The following ATRNL1 variants were observed in gnomAD, a reference collection of about 807,000 sequenced individuals.
ATRNL1 encodes attractin like 1.
ATRNL1 carries 95 observed loss-of-function variants against 182.7 expected under a neutral mutation model. The observed-to-expected ratio is 0.52, with a 90% CI of 0.44 to 0.62. ATRNL1 has a LOEUF of 0.62. Among genes scored for constraint, ATRNL1 ranks in the 20% least tolerant of loss-of-function variants. The pLI is 0.00. For missense variants in ATRNL1, 1,471 were observed against 1,679.5 expected (o/e 0.88, Z 2.17); for synonymous variants, 576 against 568.3 (o/e 1.01, Z -0.19).
chr10:115,863,256 A>C (rs1329466734), intron 28 of ATRNL1, among the ~76,000 whole-genome samples: 2 of 152,206 alleles, frequency 1.3e-5, no homozygotes, highest in Admixed American at 1.3e-4. Flanking sequence ...AAATGAACCT[A>C]AATGTATTCA....
chr10:115,736,270 C>T (rs76072923), intron 27 of ATRNL1, among the ~76,000 whole-genome samples: 6,194 of 152,202 alleles, frequency 0.041, 419 homozygotes, highest in African/African-American at 0.14. Context: ...AATTCACTAA[C>T]TATTTTAAGT....
At chr10:115,443,969 A>C (rs1334351068) in intron 21 of ATRNL1, among the ~76,000 whole-genome samples, 1 of 152,164 alleles carries the variant, frequency 6.6e-6, no homozygotes, top group Non-Finnish European at 1.5e-5. Context: ...AAAATTGATT[A>C]AACTACAATA....
chr10:115,494,582 C>T (rs1849454190), intron 24 of ATRNL1, among the ~76,000 whole-genome samples: 1 of 152,126 alleles, frequency 6.6e-6, no homozygotes, highest in Admixed American at 6.6e-5. Context: ...GCTTTTTCTT[C>T]ATATATTCAG....
intron 28 of ATRNL1, among the ~76,000 whole-genome samples, chr10:115,848,379 G>A (rs979850001): frequency 1.3e-5 from 2 of 152,136 alleles, no homozygotes; most frequent in African/African-American, 4.8e-5. Flanking sequence ...AATATGATTA[G>A]AAATTTGCTT....
At chr10:115,400,290 A>G (rs1554956684) in intron 20 of ATRNL1, among the ~76,000 whole-genome samples, 1 of 152,058 alleles carries the variant, frequency 6.6e-6, no homozygotes, top group East Asian at 1.9e-4. Context: ...ATATAATTTG[A>G]TTGTGCTGTG....
chr10:115,771,261 C>T (rs1473858073), intron 27 of ATRNL1, among the ~76,000 whole-genome samples: 1 of 146,794 alleles, frequency 6.8e-6, no homozygotes, highest in Non-Finnish European at 1.5e-5. Context: ...GACAGAGTCT[C>T]ACTCTTTCGC....
intron 28 of ATRNL1, among the ~76,000 whole-genome samples, chr10:115,870,214 T>A (rs183625836): frequency 7.9e-5 from 12 of 152,316 alleles, no homozygotes; most frequent in Admixed American, 2.6e-4. Context: ...TTATGGTAAA[T>A]GGCCATACTC....
At chr10:115,319,539 A>G (rs868943704) in intron 18 of ATRNL1, among the ~76,000 whole-genome samples, 1 of 152,314 alleles carries the variant, frequency 6.6e-6, no homozygotes, top group Middle Eastern at 3.4e-3. Context: ...GTAGGTCTCT[A>G]CAAACTTGTT....
chr10:115,628,828 C>A (rs1318340784), intron 26 of ATRNL1, among the ~76,000 whole-genome samples: 2 of 149,866 alleles, frequency 1.3e-5, no homozygotes, highest in East Asian at 3.9e-4. Flanking sequence ...TTTGGTATTA[C>A]TTTTATGGCA....
chr10:115,700,079 C>T (rs539263398), intron 26 of ATRNL1, among the ~76,000 whole-genome samples: 7 of 152,116 alleles, frequency 4.6e-5, no homozygotes, highest in Non-Finnish European at 1.0e-4. Context: ...TTTCTTTATT[C>T]ATCTGTCATT....
At chr10:115,925,153 A>G (rs1430428277) in intron 28 of ATRNL1, among the ~76,000 whole-genome samples, 1 of 152,132 alleles carries the variant, frequency 6.6e-6, no homozygotes, top group Non-Finnish European at 1.5e-5. Flanking sequence ...TGGGGCTGAG[A>G]TGATGGGGCT....
chr10:115,267,643 T>A (rs1211228793), intron 12 of ATRNL1, among the ~76,000 whole-genome samples: 1 of 152,032 alleles, frequency 6.6e-6, no homozygotes, highest in East Asian at 1.9e-4. Flanking sequence ...AATTCAGATG[T>A]CTTTTATATC....
chr10:115,337,102 C>A (rs550897675), intron 19 of ATRNL1, among the ~76,000 whole-genome samples: 1 of 151,290 alleles, frequency 6.6e-6, no homozygotes, highest in Non-Finnish European at 1.5e-5. Flanking sequence ...ACCTCGTGAT[C>A]TGTCTGCCTC....
chr10:115,539,677 C>G (rs889639903), intron 25 of ATRNL1, among the ~76,000 whole-genome samples: 1 of 152,156 alleles, frequency 6.6e-6, no homozygotes, highest in Non-Finnish European at 1.5e-5. Flanking sequence ...CCTGAATTCA[C>G]TCACCCATAC....
chr10:115,736,986 C>G (rs1947970273), intron 27 of ATRNL1, among the ~76,000 whole-genome samples: 2 of 152,022 alleles, frequency 1.3e-5, no homozygotes, highest in Admixed American at 1.3e-4. Context: ...CTCATATTAA[C>G]TTTTACCCTC....
chr10:115,693,340 C>T (rs563358982), intron 26 of ATRNL1, among the ~76,000 whole-genome samples: 30 of 152,122 alleles, frequency 2.0e-4, no homozygotes, highest in South Asian at 6.2e-4. Flanking sequence ...ATTTCATGTA[C>T]GCAAATATTG....
rs1198762892 is a variant in ATRNL1, at chr10:115,093,493, C to A, written c.-258C>A. 3.2e-6 allele frequency: 2 copies of A among 634,890 alleles called. No homozygotes were observed. Among genetic ancestry groups the A allele is most frequent in the African/African-American group, 1.9e-5 (1 of 52,108 alleles). 39.3% of individuals were successfully genotyped at this position (634,890 alleles called of 1,614,324 possible). A position where few individuals can be genotyped will look rare whatever the true frequency, so the allele number is the denominator to read the frequency against. ...CCCGCCTCCGGCCGGGTCCGGGACG[C>A]CGCGGCTGTGGGGTCGGCCCGCTAA... On this transcript the variant is annotated 5_prime_UTR_variant, in exon 1 of 29. Transcript: ENST00000355044. This position sits in a 1 kb window ranked among gnomAD's most constrained non-coding sequence, Gnocchi z 6.1.
At chr10:115,315,098 A>T (rs1854229541) in intron 17 of ATRNL1, among the ~76,000 whole-genome samples, 1 of 152,158 alleles carries the variant, frequency 6.6e-6, no homozygotes, top group Non-Finnish European at 1.5e-5. Context: ...CTTATACTGG[A>T]TGTCCACAGG....
At chr10:115,306,247 C>G (rs1853723604) in intron 17 of ATRNL1, among the ~76,000 whole-genome samples, 1 of 152,008 alleles carries the variant, frequency 6.6e-6, no homozygotes, top group Admixed American at 6.6e-5. Context: ...ACTTTTGAGT[C>G]TTTGCATGTC....
Sources: allele counts gnomAD v4.1 joint callset (sites outside exome capture counted in the v4.1 genomes callset), GRCh38; gene constraint gnomAD v4.1.1; non-coding constraint Gnocchi (gnomAD v3.1); transcripts MANE v1.5; gene names NCBI Gene and HGNC (gene_info 2026-07-23, HGNC 2026-07-21).